The following GABRB1 variants were observed in gnomAD, a reference collection of about 807,000 sequenced individuals.
GABRB1 encodes the protein gamma-aminobutyric acid receptor subunit beta-1.
GABRB1 carries 17 observed loss-of-function variants against 51.6 expected under a neutral mutation model. That is an observed-to-expected ratio of 0.33 (90% CI 0.23 to 0.49). The LOEUF is 0.49. Among genes scored for constraint, GABRB1 ranks in the 20% least tolerant of loss-of-function variants. The pLI is 0.99. For synonymous variants in GABRB1, 247 were observed against 218.9 expected, an observed-to-expected ratio of 1.13 and a Z score of -1.14; for missense variants, 410 against 600.6, an observed-to-expected ratio of 0.68 and a Z score of 3.32.
intron 5 of GABRB1, among the ~76,000 whole-genome samples, chr4:47,397,576 T>C (rs1198366959): frequency 6.6e-6 from 1 of 152,138 alleles, no homozygotes; most frequent in Admixed American, 6.6e-5. Context: ...ACTTTTTTTT[T>C]TCTTTTTTGA....
At chr4:47,376,937 C>G (rs1048366111) in intron 5 of GABRB1, among the ~76,000 whole-genome samples, 1 of 152,134 alleles carries the variant, frequency 6.6e-6, no homozygotes, top group African/African-American at 2.4e-5. Flanking sequence ...TGTTTCTTTT[C>G]TCCTCAGTCT....
chr4:47,119,753 C>T (rs1715681802), intron 3 of GABRB1, among the ~76,000 whole-genome samples: 1 of 152,088 alleles, frequency 6.6e-6, no homozygotes, highest in Non-Finnish European at 1.5e-5. Flanking sequence ...AGGTGATCTG[C>T]CCACCTCGGC....
intron 3 of GABRB1, among the ~76,000 whole-genome samples, chr4:47,104,366 TTTTA>T (rs537634173): frequency 2.0e-3 from 300 of 152,054 alleles, no homozygotes; most frequent in African/African-American, 7.0e-3. Context: ...TATGTCTATA[TTTTA>T]TTTGTTTGTT....
chr4:47,425,377 CCACACACA>C (rs34275303), intron 8 of GABRB1, among the ~76,000 whole-genome samples: 37 of 138,392 alleles, frequency 2.7e-4, no homozygotes, highest in East Asian at 8.4e-4. Context: ...AGAAGAAATA[CCACACACA>C]CACACACACA....
chr4:47,112,235 G>A (rs981120871), intron 3 of GABRB1, among the ~76,000 whole-genome samples: 2 of 152,034 alleles, frequency 1.3e-5, no homozygotes, highest in African/African-American at 4.8e-5. Context: ...AGATTGTCCT[G>A]AATCCCTACT....
At position 47,195,428 on chromosome 4, in the gene GABRB1, ATAGATAGATAGATAGATGATAGATAGAT is replaced by A. The variant is rs879838944; in HGVS notation, c.461+33965_461+33992del. On this transcript the variant is annotated intron_variant, in intron 4 of 8. Coordinates refer to ENST00000295454, the MANE Select transcript of GABRB1 (RefSeq NM_000812.4). The stretch of plus-strand genomic sequence containing the variant: ...GATAGATAGATAGATAGATAGATAG[ATAGATAGATAGATAGATGATAGATAGAT>A]TAGATGATAGATAGATAGATAGATA... Among the ~76,000 whole-genome samples the A allele has an allele frequency of 2.8e-3, 355 of 124,680 alleles. 1 individual carries two copies. The highest frequency in any genetic ancestry group is 3.6e-3 in the East Asian group (14 of 3,902). 81.8% of individuals were successfully genotyped at this position (124,680 alleles called of 152,430 possible). A position where few individuals can be genotyped will look rare whatever the true frequency, so the allele number is the denominator to read the frequency against.
At chr4:47,259,549 C>T (rs1001659879) in intron 4 of GABRB1, among the ~76,000 whole-genome samples, 4 of 152,078 alleles carry the variant, frequency 2.6e-5, no homozygotes, top group Non-Finnish European at 4.4e-5. Flanking sequence ...TGTTAATTAT[C>T]TCATTCAGTC....
intron 3 of GABRB1, among the ~76,000 whole-genome samples, chr4:47,135,543 T>C (rs1388207088): frequency 6.6e-6 from 1 of 152,118 alleles, no homozygotes; most frequent in Non-Finnish European, 1.5e-5. Context: ...TCTGAAATCT[T>C]ATGTTATCAA....
At chr4:47,155,946 T>TATATATATATATATATATAAA (rs1577958581) in intron 3 of GABRB1, among the ~76,000 whole-genome samples, 1 of 142,502 alleles carries the variant, frequency 7.0e-6, no homozygotes, top group Non-Finnish European at 1.5e-5. Context: ...TATATATATA[T>TATATATATATATATATATAAA]GAAACCACTT....
intron 5 of GABRB1, among the ~76,000 whole-genome samples, chr4:47,338,888 G>A (rs757565791): frequency 6.6e-6 from 1 of 152,154 alleles, no homozygotes; most frequent in Admixed American, 6.5e-5. Context: ...AAAAATGGGA[G>A]TTGGGGGCAG....
intron 5 of GABRB1, among the ~76,000 whole-genome samples, chr4:47,322,322 T>C (rs1027648825): frequency 1.3e-5 from 2 of 152,158 alleles, no homozygotes; most frequent in Admixed American, 6.5e-5. Context: ...GAAAAGATGG[T>C]AATTATCATC....
At chr4:47,343,850 C>T (rs1725990973) in intron 5 of GABRB1, among the ~76,000 whole-genome samples, 1 of 152,154 alleles carries the variant, frequency 6.6e-6, no homozygotes, top group African/African-American at 2.4e-5. Flanking sequence ...GTATCACTGG[C>T]TTCTACAAGT....
chr4:47,326,555 G>C (rs1283148123), intron 5 of GABRB1, among the ~76,000 whole-genome samples: 1 of 151,958 alleles, frequency 6.6e-6, no homozygotes, highest in African/African-American at 2.4e-5. Flanking sequence ...TGTAGGGTTT[G>C]GTACTATTTG....
At chr4:47,375,764 G>T (rs1448836839) in intron 5 of GABRB1, among the ~76,000 whole-genome samples, 15 of 152,152 alleles carry the variant, frequency 9.9e-5, no homozygotes, top group African/African-American at 3.6e-4. Flanking sequence ...ATTGCAAAGG[G>T]TCTCCCATTA....
chr4:47,140,855 T>C (rs1324856485), intron 3 of GABRB1, among the ~76,000 whole-genome samples: 1 of 151,876 alleles, frequency 6.6e-6, no homozygotes, highest in Admixed American at 6.6e-5. Context: ...GTATATGTGA[T>C]GTTTAAAATA....
chr4:47,356,482 A>C (rs962749755), intron 5 of GABRB1, among the ~76,000 whole-genome samples: 9 of 152,180 alleles, frequency 5.9e-5, no homozygotes, highest in Non-Finnish European at 1.2e-4. Flanking sequence ...CCAATGAAGT[A>C]CTCAGTCAAT....
At chr4:47,364,868 G>C (rs1184916203) in intron 5 of GABRB1, among the ~76,000 whole-genome samples, 5 of 152,046 alleles carry the variant, frequency 3.3e-5, no homozygotes, top group Admixed American at 6.6e-5. Context: ...AAAAGAATTT[G>C]AGATAGAAAG....
rs955305617 is a variant in GABRB1, at chr4:47,018,472, C to T, written c.-19-13442C>T. Among the ~76,000 whole-genome samples, 9 of 152,124 alleles carry T rather than the reference C, an allele frequency of 5.9e-5. 1 individual carries two copies. In the South Asian group the frequency reaches 1.2e-3, roughly 21 times the overall value. Reference sequence around the variant, plus strand: ...ACAGTATGATAATGTCAGAAATCTACAATTTTAAAATATGTAGTTGACCTT... The same window carrying T: ...ACAGTATGATAATGTCAGAAATCTATAATTTTAAAATATGTAGTTGACCTT... On this transcript the variant is annotated intron_variant, in intron 1 of 3. Coordinates refer to the GABRB1 transcript ENST00000513567.
Position 47,426,003 on chromosome 4 carries a change from T to C in GABRB1, c.1410T>C (p.Leu470=). 6.3e-7 allele frequency: 1 copy of C among 1,595,510 alleles called. No homozygotes were observed. The highest frequency in any genetic ancestry group is 8.5e-7 in the Non-Finnish European group (1 of 1,169,632). ...TFSLFNVVYW[L]YYVH is the part of the protein sequence containing the mutation. ...CTCTTTTTAATGTCGTCTATTGGCTTTACTATGTACACTGAGGTCTGTTCT... is the reference window on the plus strand; with the variant it reads ...CTCTTTTTAATGTCGTCTATTGGCTCTACTATGTACACTGAGGTCTGTTCT... The change falls in exon 9 of 9, where the codon CTT becomes CTC. Residue 470 remains leucine (L), a synonymous_variant. Transcript: ENST00000295454.
Sources: gnomAD v4.1 joint callset for allele counts (sites outside exome capture counted in the v4.1 genomes callset) on GRCh38, gnomAD v4.1.1 for gene constraint, MANE v1.5 for transcripts, NCBI Gene and HGNC (gene_info 2026-07-23, HGNC 2026-07-21) for gene names.